SMARCA5: variants seen among roughly 807,000 people sequenced by gnomAD.
SMARCA5 encodes SNF2 related chromatin remodeling ATPase 5.
Under a neutral mutation model 140.4 loss-of-function variants are expected in SMARCA5, and 18 were observed. The ratio of observed to expected loss-of-function variants is 0.13; its 90% CI spans 0.09 to 0.19. The LOEUF is 0.19. Ranked by LOEUF, SMARCA5 falls within the 10% of genes least tolerant of loss-of-function variation. The pLI is 1.00. For missense variants in SMARCA5, 606 were observed against 1,276.8 expected (o/e 0.47, Z 8.01); for synonymous variants, 449 against 419.6 (o/e 1.07, Z -0.86).
intron 1 of SMARCA5, 53 bp downstream of exon 1, chr4:143,514,154 C>G (rs1195376826): frequency 2.1e-6 from 3 of 1,441,318 alleles, no homozygotes; most frequent in Non-Finnish European, 2.7e-6. Flanking sequence ...GAGGAGCTGG[C>G]TCCCTCGCCG....
At chr4:143,516,272 G>A (rs1416708946) in intron 1 of SMARCA5, among the ~76,000 whole-genome samples, 1 of 141,676 alleles carries the variant, frequency 7.1e-6, no homozygotes. Context: ...TATGTATTCA[G>A]TTACTTTTTT....
chr4:143,525,565 GT>G lies in SMARCA5; in HGVS notation c.621+22del, dbSNP rs1162458030. 23 of 1,532,788 alleles carry G rather than the reference GT, an allele frequency of 1.5e-5. No homozygotes were observed. The highest frequency in any genetic ancestry group is 3.4e-5 in the South Asian group (3 of 89,310). 94.9% of individuals were successfully genotyped at this position (1,532,788 alleles called of 1,614,324 possible). A position where few individuals can be genotyped will look rare whatever the true frequency, so the allele number is the denominator to read the frequency against. On this transcript the variant is annotated intron_variant, in intron 5 of 23. Transcript: ENST00000283131. ...GCAGATGAAATGGTATGTGTTGGTA[GT>G]TTTTTTTGAAGGGTATGTTTTGTAT... is the stretch of plus-strand genomic sequence containing the variant.
At position 143,545,006 on chromosome 4, in the gene SMARCA5, G is replaced by A. The variant is rs571583225; in HGVS notation, c.2283+159G>A. Among the ~76,000 whole-genome samples, 299 of 142,928 alleles carry A rather than the reference G, an allele frequency of 2.1e-3. 2 individuals carry two copies. Among genetic ancestry groups the A allele is most frequent in the Non-Finnish European group, 3.9e-3 (264 of 66,942 alleles). The allele number at this position is 142,928 out of a possible 152,430, so 93.8% of individuals were successfully genotyped here. A position where few individuals can be genotyped will look rare whatever the true frequency, so the allele number is the denominator to read the frequency against. On this transcript the variant is annotated intron_variant, in intron 17 of 23. Coordinates refer to ENST00000283131, the MANE Select transcript of SMARCA5 (RefSeq NM_003601.4). ...TCTGTTACCAGGAGTTCAGTGGTGC[G>A]ATCTCAGCTCACTGCAACCTCCGCC...
In SMARCA5 at chr4:143,545,070, G is replaced by A. The variant is rs532585771; in HGVS notation, c.2283+223G>A. Among the ~76,000 whole-genome samples, 36 of 151,278 alleles carry A rather than the reference G, an allele frequency of 2.4e-4. 1 individual carries two copies. Among genetic ancestry groups the A allele is most frequent in the Middle Eastern group, 6.8e-3 (2 of 294 alleles). ...CAATTCTCCTGCCTCACCCTTCCGA[G>A]TAGCTGGGACTACAGGCACCCACCA... On this transcript the variant is annotated intron_variant, in intron 17 of 23. Transcript: ENST00000283131.
At chr4:143,521,974 A>G (rs1184185565) in intron 3 of SMARCA5, among the ~76,000 whole-genome samples, 1 of 152,036 alleles carries the variant, frequency 6.6e-6, no homozygotes, top group Non-Finnish European at 1.5e-5. Flanking sequence ...ATGAATTGTA[A>G]CAATCATGTT....
At chr4:143,548,410 CT>C (rs1179880228) in intron 22 of SMARCA5, among the ~76,000 whole-genome samples, 3 of 151,958 alleles carry the variant, frequency 2.0e-5, no homozygotes, top group African/African-American at 7.2e-5. Flanking sequence ...AGTGTTACGA[CT>C]TTTTGGTTTT....
At chr4:143,550,256 G>C (rs1426397617) in intron 23 of SMARCA5, 152 bp downstream of exon 23, 1 of 422,426 alleles carries the variant, frequency 2.4e-6, no homozygotes, top group African/African-American at 2.4e-5. Context: ...CCTTAAGGGA[G>C]AACCCAAGCT....
At chr4:143,539,025 C>G in intron 13 of SMARCA5, 87 bp downstream of exon 13, 1 of 1,158,574 alleles carries the variant, frequency 8.6e-7, no homozygotes, top group African/African-American at 1.5e-5. Context: ...GTGACTTAAC[C>G]CAATAGAATT....
At chr4:143,539,833 AG>A (rs1737393443) in intron 13 of SMARCA5, among the ~76,000 whole-genome samples, 1 of 152,104 alleles carries the variant, frequency 6.6e-6, no homozygotes, top group South Asian at 2.1e-4. Context: ...TACTACACCC[AG>A]CCCATTAGTC....
chr4:143,522,016 CAGAG>C (rs1736972104), intron 3 of SMARCA5, among the ~76,000 whole-genome samples: 1 of 151,668 alleles, frequency 6.6e-6, no homozygotes, highest in Non-Finnish European at 1.5e-5. Flanking sequence ...CGTCATTCCT[CAGAG>C]AGGAAACAAA....
intron 16 of SMARCA5, 194 bp downstream of exon 16, chr4:143,544,166 A>G (rs1737480162): frequency 2.8e-6 from 1 of 358,868 alleles, no homozygotes. Flanking sequence ...ATATTTTTAA[A>G]GTTTTTGTAA....
chr4:143,535,232 C>T (rs538108087), intron 10 of SMARCA5, among the ~76,000 whole-genome samples: 1 of 152,144 alleles, frequency 6.6e-6, no homozygotes, highest in East Asian at 1.9e-4. Context: ...CATATGAAAC[C>T]ATCTACTTGG....
intron 2 of SMARCA5, among the ~76,000 whole-genome samples, chr4:143,519,000 A>G (rs535588001): frequency 6.6e-6 from 1 of 152,214 alleles, no homozygotes; most frequent in South Asian, 2.1e-4. Context: ...TCCCGTGATA[A>G]TATCCTCTTT....
chr4:143,513,893 C>CT lies in SMARCA5; in HGVS notation c.-31dup. On this transcript the variant is annotated 5_prime_UTR_variant, in exon 1 of 24. Transcript: ENST00000283131. Reference sequence around the variant, plus strand: ...GTCCATCCCCGCCGGACTCGGGCCTCTGGCAGCAGCGGGTGACGCAGACGG... The same window carrying CT: ...GTCCATCCCCGCCGGACTCGGGCCTCTTGGCAGCAGCGGGTGACGCAGACGG... The CT allele has an allele frequency of 6.5e-7, 1 of 1,533,650 alleles. No individual in the cohort carries two copies. Among genetic ancestry groups the CT allele is most frequent in the Non-Finnish European group, 8.7e-7 (1 of 1,146,206 alleles).
rs924724932 is a variant in SMARCA5 at position 143,547,473 on chromosome 4, A to G, written c.2742A>G (p.Arg914=). ...IERGEARIQR[R]ISIKKALDTK... is the part of the protein sequence containing the mutation. ...GGGGAGAGGCGAGAATTCAAAGAAG[A>G]ATAAGCATCAAGAAAGCACTTGACA... The change falls in exon 21 of 24, where the codon AGA becomes AGG. Residue 914 remains arginine, a synonymous_variant. Coordinates refer to ENST00000283131, the MANE Select transcript of SMARCA5 (RefSeq NM_003601.4). 6.2e-7 allele frequency: 1 copy of G among 1,603,612 alleles called. No homozygotes were observed.
chr4:143,530,655 C>A, intron 9 of SMARCA5, 129 bp downstream of exon 9: 1 of 590,532 alleles, frequency 1.7e-6, no homozygotes, highest in South Asian at 2.1e-5. Context: ...TGAATTCTGA[C>A]ACTTAACTCT....
rs1207193007 is a variant in SMARCA5, at chr4:143,553,875, A to C, written c.*691A>C. 1 of 151,850 alleles carries C rather than the reference A, an allele frequency of 6.6e-6. No homozygotes were observed. Among genetic ancestry groups the C allele is most frequent in the Non-Finnish European group, 1.5e-5 (1 of 67,912 alleles). The allele number at this position is 151,850 out of a possible 1,614,324, so 9.4% of individuals were successfully genotyped here. ...TAAGGTATTACTGTACCATTTTGTA[A>C]AAGGAATATTATTATTATTATTTTT... On this transcript the variant is annotated 3_prime_UTR_variant, in exon 24 of 24. Transcript: ENST00000283131.
rs1164108111 is a variant in SMARCA5 at position 143,555,331 on chromosome 4, A to G, written c.*2147A>G. On this transcript the variant is annotated 3_prime_UTR_variant, in exon 24 of 24. Coordinates refer to ENST00000283131, the MANE Select transcript of SMARCA5 (RefSeq NM_003601.4). ...CTCCAAAATTGCTTCAATCATTACC[A>G]AATCTATTATAGCAATCCCCACTGC... The G allele has an allele frequency of 1.4e-6, 1 of 735,576 alleles. No individual in the cohort carries two copies. Among genetic ancestry groups the G allele is most frequent in the Non-Finnish European group, 2.5e-6 (1 of 401,520 alleles). The allele number at this position is 735,576 out of a possible 1,614,324, so 45.6% of individuals were successfully genotyped here.
At chr4:143,516,931 A>G (rs996908624) in intron 1 of SMARCA5, among the ~76,000 whole-genome samples, 4 of 152,202 alleles carry the variant, frequency 2.6e-5, no homozygotes, top group African/African-American at 9.6e-5. Context: ...AGGGTGACTA[A>G]TTCTGATTTC....
Sources: allele counts gnomAD v4.1 joint callset (sites outside exome capture counted in the v4.1 genomes callset), GRCh38; gene constraint gnomAD v4.1.1; transcripts MANE v1.5; gene names NCBI Gene and HGNC (gene_info 2026-07-23, HGNC 2026-07-21).